Variants in CRPPA observed in about 807,000 individuals in gnomAD.
CRPPA encodes CDP-L-ribitol pyrophosphorylase A.
CRPPA carries 43 observed loss-of-function variants against 52.0 expected under a neutral mutation model. That is an observed-to-expected ratio of 0.83 (90% CI 0.65 to 1.07). The LOEUF (loss-of-function observed/expected upper bound fraction) is 1.07, where lower values mean the gene tolerates loss of function less well. Among genes scored for constraint, CRPPA ranks in the 50% least tolerant of loss-of-function variants. CRPPA has a pLI of 0.00. For missense variants in CRPPA, 629 were observed against 551.7 expected (o/e 1.14, Z -1.40); for synonymous variants, 250 against 203.5 (o/e 1.23, Z -1.94).
chr7:16,366,092 A>G (rs2128310255), intron 3 of CRPPA, among the ~76,000 whole-genome samples: 1 of 152,302 alleles, frequency 6.6e-6, no homozygotes, highest in South Asian at 2.1e-4. Flanking sequence ...TTTGATGAGG[A>G]CCCATTCCTG....
At position 16,308,556 on chromosome 7, in the gene CRPPA, G is replaced by A; in HGVS notation, c.756C>T (p.Ala252=). The A allele has an allele frequency of 6.2e-7, 1 of 1,609,776 alleles. No homozygotes were observed. Among genetic ancestry groups the A allele is most frequent in the Non-Finnish European group, 8.5e-7 (1 of 1,177,416 alleles). Residue 252 remains alanine, a synonymous_variant, in exon 4 of 10, where the codon GCC becomes GCT. Coordinates refer to ENST00000407010, the MANE Select transcript of CRPPA (RefSeq NM_001101426.4). ...GGTCAGGTGATCCTTCTACAAGTTT[G>A]GCTTTAGTGCAACAGTATTTTAGGG... ...QLALKYCCTK[A]KLVEGSPDLW...
At chr7:16,370,451 G>A (rs1786718843) in intron 3 of CRPPA, among the ~76,000 whole-genome samples, 1 of 152,092 alleles carries the variant, frequency 6.6e-6, no homozygotes. Flanking sequence ...TGGATCCCTT[G>A]CAGACATTCC....
chr7:16,120,729 C>A (rs893479701), intron 9 of CRPPA, among the ~76,000 whole-genome samples: 1 of 152,014 alleles, frequency 6.6e-6, no homozygotes, highest in Non-Finnish European at 1.5e-5. Flanking sequence ...GTCTTCTTTA[C>A]TATCTTTAAC....
chr7:16,114,871 A>C (rs540213296), intron 9 of CRPPA, among the ~76,000 whole-genome samples: 1 of 151,226 alleles, frequency 6.6e-6, no homozygotes, highest in Non-Finnish European at 1.5e-5. Context: ...CAAATCCACA[A>C]GAAATTAATA....
chr7:16,372,193 A>T (rs1786766751), intron 3 of CRPPA, among the ~76,000 whole-genome samples: 1 of 152,216 alleles, frequency 6.6e-6, no homozygotes, highest in South Asian at 2.1e-4. Flanking sequence ...AAGCAGCTCA[A>T]AAAACTCCTG....
chr7:16,150,206 T>C (rs1783050456), intron 9 of CRPPA, among the ~76,000 whole-genome samples: 1 of 152,278 alleles, frequency 6.6e-6, no homozygotes, highest in Non-Finnish European at 1.5e-5. Context: ...TAATGTTAGA[T>C]TTATCAGAAA....
At chr7:16,218,915 T>G (rs1356452148) in intron 8 of CRPPA, among the ~76,000 whole-genome samples, 1 of 151,942 alleles carries the variant, frequency 6.6e-6, no homozygotes, top group East Asian at 1.9e-4. Flanking sequence ...TACTCAGGAA[T>G]TGAACTCAGC....
chr7:16,348,570 G>A (rs968965195), intron 3 of CRPPA, among the ~76,000 whole-genome samples: 1 of 152,172 alleles, frequency 6.6e-6, no homozygotes, highest in African/African-American at 2.4e-5. Flanking sequence ...CAAACCAAGA[G>A]GTAGTCTTAG....
At position 16,233,931 on chromosome 7, in the gene CRPPA, G is replaced by A. The variant is rs181069309; in HGVS notation, c.1120-17734C>T. Among the ~76,000 whole-genome samples the A allele has an allele frequency of 2.6e-3, 395 of 152,078 alleles. 8 individuals are homozygous for A. The highest frequency in any genetic ancestry group is 5.1e-4 in the Non-Finnish European group (35 of 67,962). ...TATTCACTTTCAGGCTGCTGGGTCCGTTTAATTGAAAATGATCAACTGCAA... is the reference window on the plus strand; with the variant it reads ...TATTCACTTTCAGGCTGCTGGGTCCATTTAATTGAAAATGATCAACTGCAA... On this transcript the variant is annotated intron_variant, in intron 8 of 9. Transcript: ENST00000407010.
At chr7:16,160,532 T>C (rs1394092084) in intron 9 of CRPPA, among the ~76,000 whole-genome samples, 1 of 152,234 alleles carries the variant, frequency 6.6e-6, no homozygotes, top group Non-Finnish European at 1.5e-5. Flanking sequence ...TCTGTATGTT[T>C]TGATAGCAGT....
At chr7:16,252,840 G>A (rs550465654) in intron 8 of CRPPA, among the ~76,000 whole-genome samples, 1 of 152,260 alleles carries the variant, frequency 6.6e-6, no homozygotes, top group East Asian at 1.9e-4. Flanking sequence ...TTGGGAGGGT[G>A]TATGTGTTCA....
intron 3 of CRPPA, among the ~76,000 whole-genome samples, chr7:16,372,615 C>A (rs368294961): frequency 3.4e-4 from 51 of 152,028 alleles, no homozygotes; most frequent in Non-Finnish European, 6.5e-4. Context: ...CTCACAGGGT[C>A]TATAAAACAA....
chr7:16,168,683 G>A (rs1276004191), intron 9 of CRPPA, among the ~76,000 whole-genome samples: 1 of 151,684 alleles, frequency 6.6e-6, no homozygotes, highest in Non-Finnish European at 1.5e-5. Context: ...GAAATATTAG[G>A]GTATCTATCT....
At chr7:16,269,970 G>T (rs1446890333) in intron 6 of CRPPA, 1 of 152,222 alleles carries the variant, frequency 6.6e-6, no homozygotes, top group Middle Eastern at 3.4e-3. Flanking sequence ...AATAGCATAA[G>T]CAATTTAGTA....
At chr7:16,169,548 C>T (rs544297381) in intron 9 of CRPPA, among the ~76,000 whole-genome samples, 6 of 152,092 alleles carry the variant, frequency 3.9e-5, no homozygotes, top group African/African-American at 1.4e-4. Context: ...TGCTCTTGGA[C>T]AAGAATGTAG....
At chr7:16,420,901 A>G (rs1483922588) in intron 1 of CRPPA, among the ~76,000 whole-genome samples, 165 bp downstream of exon 1, 1 of 152,100 alleles carries the variant, frequency 6.6e-6, no homozygotes, top group Non-Finnish European at 1.5e-5. Context: ...TAAAGGCCAG[A>G]ACTTCCCATC....
chr7:16,289,925 A>G (rs996832850), intron 5 of CRPPA, among the ~76,000 whole-genome samples: 7 of 152,168 alleles, frequency 4.6e-5, no homozygotes, highest in Non-Finnish European at 1.0e-4. Context: ...TTAGAAAAAC[A>G]TAATGACTCC....
At chr7:16,256,354 G>A (rs1224260610) in intron 8 of CRPPA, among the ~76,000 whole-genome samples, 2 of 152,206 alleles carry the variant, frequency 1.3e-5, no homozygotes, top group East Asian at 3.9e-4. Flanking sequence ...AGACAGTGTG[G>A]CAATTCCTCA....
intron 3 of CRPPA, among the ~76,000 whole-genome samples, chr7:16,337,779 T>C (rs913970062): frequency 1.3e-5 from 2 of 151,938 alleles, no homozygotes; most frequent in Admixed American, 1.3e-4. Context: ...CAAAAAAACA[T>C]ACATTCCTAA....
Sources: gnomAD v4.1 joint callset for allele counts (sites outside exome capture counted in the v4.1 genomes callset) on GRCh38, gnomAD v4.1.1 for gene constraint, MANE v1.5 for transcripts, NCBI Gene and HGNC (gene_info 2026-07-23, HGNC 2026-07-21) for gene names.